ASIC2: variants seen among roughly 807,000 people sequenced by gnomAD.
ASIC2 encodes acid-sensing ion channel 2.
Under a neutral mutation model 57.3 loss-of-function variants are expected in ASIC2, and 25 were observed. The observed-to-expected ratio is 0.44, with a 90% CI of 0.32 to 0.61. The LOEUF is 0.61. ASIC2 is among the 20% of genes least tolerant of loss of function. The pLI, the probability that ASIC2 is intolerant of heterozygous loss-of-function variation, is 0.06. For missense variants in ASIC2, 641 were observed against 738.1 expected, an observed-to-expected ratio of 0.87 and a Z score of 1.52; for synonymous variants, 319 against 307.5, an observed-to-expected ratio of 1.04 and a Z score of -0.39.
At chr17:33,732,049 T>G (rs889462770) in intron 1 of ASIC2, among the ~76,000 whole-genome samples, 1 of 152,190 alleles carries the variant, frequency 6.6e-6, no homozygotes, top group Non-Finnish European at 1.5e-5. Flanking sequence ...TTTATATAGA[T>G]GTAATTTGGC....
chr17:33,790,122 A>G (rs763304555), intron 1 of ASIC2, among the ~76,000 whole-genome samples: 4 of 152,242 alleles, frequency 2.6e-5, no homozygotes, highest in African/African-American at 4.8e-5. Context: ...TAATGTGGGC[A>G]TTAATATGTT....
At chr17:34,026,555 T>C (rs529204029) in intron 1 of ASIC2, among the ~76,000 whole-genome samples, 1 of 152,338 alleles carries the variant, frequency 6.6e-6, no homozygotes, top group Admixed American at 6.5e-5. Flanking sequence ...GTTTTTCTAC[T>C]CACTGCTAAC....
chr17:34,069,242 C>G (rs2142066414), intron 1 of ASIC2: 1 of 142,112 alleles, frequency 7.0e-6, no homozygotes, highest in African/African-American at 2.6e-5. Flanking sequence ...TTCCCTCCTT[C>G]CCTCCCTTAT....
At chr17:33,926,579 A>G (rs1310380968) in intron 1 of ASIC2, among the ~76,000 whole-genome samples, 9 of 152,210 alleles carry the variant, frequency 5.9e-5, no homozygotes, top group Admixed American at 2.6e-4. Context: ...CATGTGGACA[A>G]CCTGTGGTTG....
chr17:33,056,142 C>A (rs560071304), intron 3 of ASIC2, among the ~76,000 whole-genome samples: 1 of 152,336 alleles, frequency 6.6e-6, no homozygotes, highest in South Asian at 2.1e-4. Flanking sequence ...ATGCAGTTGG[C>A]TGCAGAGGTG....
chr17:33,013,741 G>A lies in ASIC2; in HGVS notation c.*224C>T, dbSNP rs1598232617. On this transcript the variant is annotated 3_prime_UTR_variant, in exon 10 of 10. Transcript: ENST00000225823. ...GCAGGTTCGTTCTTGGACAGTTCCA[G>A]AGTGTGACTCATCTCTCCTAAGAGG... 3.4e-6 allele frequency: 2 copies of A among 581,166 alleles called. No individual in the cohort carries two copies. The highest frequency in any genetic ancestry group is 2.1e-5 in the South Asian group (1 of 48,334). The allele number at this position is 581,166 out of a possible 1,614,324, so 36.0% of individuals were successfully genotyped here.
intron 1 of ASIC2, among the ~76,000 whole-genome samples, chr17:33,702,275 C>G (rs1337889898): frequency 6.6e-6 from 1 of 152,116 alleles, no homozygotes; most frequent in East Asian, 1.9e-4. Context: ...GGTACTCAGT[C>G]GTAGTTAGTT....
chr17:33,937,426 T>C (rs1916091380), intron 1 of ASIC2, among the ~76,000 whole-genome samples: 1 of 86,768 alleles, frequency 1.2e-5, no homozygotes, highest in African/African-American at 3.8e-5. Flanking sequence ...ATCAGAGCTC[T>C]TTTTTTTTTT....
intron 1 of ASIC2, among the ~76,000 whole-genome samples, chr17:33,455,285 C>T (rs549531675): frequency 1.3e-5 from 2 of 152,156 alleles, no homozygotes; most frequent in South Asian, 2.1e-4. Context: ...GTGAATGATC[C>T]CCTCACCCAG....
At chr17:34,117,020 G>A (rs1037419572) in intron 1 of ASIC2, among the ~76,000 whole-genome samples, 1 of 151,706 alleles carries the variant, frequency 6.6e-6, no homozygotes, top group African/African-American at 2.4e-5. Context: ...TTCTGGCAGA[G>A]AATATGCACC....
intron 1 of ASIC2, among the ~76,000 whole-genome samples, chr17:33,409,936 C>A (rs1910597671): frequency 6.6e-6 from 1 of 152,144 alleles, no homozygotes; most frequent in Non-Finnish European, 1.5e-5. Flanking sequence ...CAGCTCAGGC[C>A]AACATACACC....
chr17:33,917,618 T>C (rs774161496), intron 1 of ASIC2, among the ~76,000 whole-genome samples: 17 of 152,226 alleles, frequency 1.1e-4, no homozygotes, highest in Non-Finnish European at 2.2e-4. Flanking sequence ...CTTTAATCTA[T>C]TCTCATGAAT....
intron 1 of ASIC2, among the ~76,000 whole-genome samples, chr17:33,774,653 G>C (rs539604129): frequency 1.3e-5 from 2 of 152,306 alleles, no homozygotes; most frequent in Non-Finnish European, 2.9e-5. Context: ...AAAATTGTAT[G>C]ACATAGCAAC....
At chr17:33,621,579 G>A (rs898650080) in intron 1 of ASIC2, among the ~76,000 whole-genome samples, 4 of 152,186 alleles carry the variant, frequency 2.6e-5, no homozygotes, top group Non-Finnish European at 4.4e-5. Context: ...ACAAGGAAGC[G>A]TAAGCTTAGC....
At chr17:33,209,971 G>A (rs1324276689) in intron 1 of ASIC2, among the ~76,000 whole-genome samples, 1 of 152,150 alleles carries the variant, frequency 6.6e-6, no homozygotes, top group Non-Finnish European at 1.5e-5. Flanking sequence ...TTTTGGTCTT[G>A]AGCACAGAAT....
chr17:33,115,814 G>A (rs951611237), intron 1 of ASIC2, among the ~76,000 whole-genome samples: 11 of 152,158 alleles, frequency 7.2e-5, no homozygotes, highest in Admixed American at 2.6e-4. Context: ...CCTTCGAGAG[G>A]GCAGGAACTG....
intron 1 of ASIC2, among the ~76,000 whole-genome samples, chr17:33,240,226 C>T (rs566279280): frequency 6.6e-6 from 1 of 152,260 alleles, no homozygotes; most frequent in East Asian, 1.9e-4. Context: ...TGGTGGAGCA[C>T]AGATGGCTAT....
chr17:33,193,565 T>A lies in ASIC2; in HGVS notation c.709-81498A>T, dbSNP rs181014997. 1.2e-4 allele frequency among the ~76,000 whole-genome samples: 18 copies of A among 152,320 alleles called. No homozygotes were observed. The East Asian group carries it at 3.5e-3, about 29-fold the overall frequency. ...CACCATGCAGAAGGCTGGAAGTACC[T>A]GGGAATTTACATCCCCCTGGGGAGC... is the stretch of plus-strand genomic sequence containing the variant. On this transcript the variant is annotated intron_variant, in intron 1 of 9. Coordinates refer to ENST00000225823, the MANE Select transcript of ASIC2 (RefSeq NM_183377.2).
chr17:33,503,792 C>T (rs1381411171), intron 1 of ASIC2, among the ~76,000 whole-genome samples: 1 of 152,198 alleles, frequency 6.6e-6, no homozygotes, highest in Non-Finnish European at 1.5e-5. Context: ...TTTTCTGAAT[C>T]AGTGTTTTCA....
Sources: gnomAD v4.1 joint callset for allele counts (sites outside exome capture counted in the v4.1 genomes callset) on GRCh38, gnomAD v4.1.1 for gene constraint, MANE v1.5 for transcripts, NCBI Gene and HGNC (gene_info 2026-07-23, HGNC 2026-07-21) for gene names.